Variants in FGGY observed in about 807,000 individuals in gnomAD.
The protein encoded by FGGY is FGGY carbohydrate kinase domain-containing protein.
A neutral mutation model predicts 71.3 loss-of-function variants in FGGY; 72 were observed. The observed-to-expected ratio is 1.01, with a 90% confidence interval of 0.84 to 1.23. The LOEUF is 1.23. FGGY is among the 50% of genes most tolerant of loss of function. The pLI is 0.00. For synonymous variants in FGGY, 251 were observed against 250.3 expected (o/e 1.00, Z -0.02); for missense variants, 668 against 682.3 (o/e 0.98, Z 0.23).
In FGGY at chr1:59,620,474, GA is replaced by G. The variant is rs137900876; in HGVS notation, c.1012-5513del. Among the ~76,000 whole-genome samples, 1,258 of 151,860 alleles carry G rather than the reference GA, an allele frequency of 8.3e-3. 22 individuals are homozygous for G. Among genetic ancestry groups the G allele is most frequent in the African/African-American group, 0.029 (1,198 of 41,436 alleles). ...GTTGGGTCTTGCTTTTCAATTTTAT[GA>G]TCTCTGAATTTTACTTGGGTTGTTT... is the stretch of plus-strand genomic sequence containing the variant. On this transcript the variant is annotated intron_variant, in intron 9 of 15. Transcript: ENST00000303721.
intron 14 of FGGY, among the ~76,000 whole-genome samples, chr1:59,756,506 T>A (rs2098292969): frequency 2.0e-5 from 3 of 152,348 alleles, no homozygotes; most frequent in African/African-American, 2.4e-5. Context: ...TTTATCACAC[T>A]CTATTTTGAT....
chr1:59,322,346 C>T (rs956758546), intron 2 of FGGY, among the ~76,000 whole-genome samples: 10 of 146,856 alleles, frequency 6.8e-5, no homozygotes, highest in Admixed American at 2.8e-4. Flanking sequence ...TGTTTGGTTA[C>T]GTAAGTTCTT....
intron 5 of FGGY, among the ~76,000 whole-genome samples, chr1:59,415,519 A>G (rs555274263): frequency 1.3e-5 from 2 of 152,178 alleles, no homozygotes; most frequent in East Asian, 3.8e-4. Context: ...TGACTTGACT[A>G]TGGACAGACT....
chr1:59,602,793 C>T (rs577857378), intron 8 of FGGY, among the ~76,000 whole-genome samples: 1 of 152,152 alleles, frequency 6.6e-6, no homozygotes, highest in African/African-American at 2.4e-5. Context: ...TTCCTTTGGG[C>T]TCGTACTGCA....
intron 7 of FGGY, among the ~76,000 whole-genome samples, chr1:59,530,542 A>T (rs969607117): frequency 2.5e-4 from 38 of 152,306 alleles, no homozygotes; most frequent in African/African-American, 8.2e-4. Flanking sequence ...CAGGAGTCTA[A>T]CCTCACTTTA....
Position 59,650,608 on chromosome 1 carries a change from A to AT in FGGY, c.1222-9605dup, listed in dbSNP as rs1197634134. Among the ~76,000 whole-genome samples the AT allele has an allele frequency of 7.5e-5, 8 of 106,150 alleles. No homozygotes were observed. In the Admixed American group the frequency reaches 8.4e-4, roughly 11 times the overall value. 69.6% of individuals were successfully genotyped at this position (106,150 alleles called of 152,430 possible). A position where few individuals can be genotyped will look rare whatever the true frequency, so the allele number is the denominator to read the frequency against. On this transcript the variant is annotated intron_variant, in intron 11 of 15. Transcript: ENST00000303721. ...GATTGGTGGTGATATCCCCTTTATC[A>AT]TTTTTTATTGCGTCTATTTGATTCT...
At chr1:59,446,974 G>A (rs564693830) in intron 5 of FGGY, among the ~76,000 whole-genome samples, 4 of 152,278 alleles carry the variant, frequency 2.6e-5, no homozygotes, top group South Asian at 4.1e-4. Flanking sequence ...TTTGATGTGC[G>A]CCTTGCTCTG....
At chr1:59,485,038 C>T (rs567504125) in intron 6 of FGGY, among the ~76,000 whole-genome samples, 1 of 152,128 alleles carries the variant, frequency 6.6e-6, no homozygotes, top group East Asian at 1.9e-4. Flanking sequence ...GTAGAGGAGG[C>T]AGGATTATAG....
At chr1:59,422,037 T>C (rs2065528682) in intron 5 of FGGY, among the ~76,000 whole-genome samples, 1 of 152,304 alleles carries the variant, frequency 6.6e-6, no homozygotes, top group East Asian at 1.9e-4. Flanking sequence ...TCATTGCCTA[T>C]GTAGAAAAAG....
intron 6 of FGGY, among the ~76,000 whole-genome samples, chr1:59,498,052 C>T (rs1382357073): frequency 2.6e-5 from 4 of 152,202 alleles, no homozygotes; most frequent in African/African-American, 9.6e-5. Context: ...TCCTGTACCC[C>T]AACCTGTGCC....
At chr1:59,604,902 A>T (rs1453942370) in intron 8 of FGGY, among the ~76,000 whole-genome samples, 2 of 152,232 alleles carry the variant, frequency 1.3e-5, no homozygotes, top group Non-Finnish European at 2.9e-5. Flanking sequence ...ATCTCAAAGA[A>T]GCTCTGGGAC....
intron 4 of FGGY, among the ~76,000 whole-genome samples, chr1:59,362,679 C>G (rs1433737911): frequency 6.6e-6 from 1 of 152,178 alleles, no homozygotes; most frequent in East Asian, 1.9e-4. Flanking sequence ...CTAAGTAACC[C>G]CCTTACTTAC....
chr1:59,557,669 T>C (rs945064864), intron 8 of FGGY, among the ~76,000 whole-genome samples: 1 of 152,184 alleles, frequency 6.6e-6, no homozygotes, highest in Non-Finnish European at 1.5e-5. Context: ...TCAGAGTTAA[T>C]TACTACCAAG....
At chr1:59,676,668 T>C (rs888311536) in intron 14 of FGGY, among the ~76,000 whole-genome samples, 5 of 152,176 alleles carry the variant, frequency 3.3e-5, no homozygotes, top group African/African-American at 1.2e-4. Flanking sequence ...ATCTAAGATA[T>C]AGTAGATCAG....
At chr1:59,749,265 A>T (rs567035541) in intron 14 of FGGY, among the ~76,000 whole-genome samples, 10 of 152,278 alleles carry the variant, frequency 6.6e-5, no homozygotes, top group African/African-American at 2.4e-4. Flanking sequence ...CTAGCAAATT[A>T]TCAAGCCTTG....
chr1:59,383,561 C>T (rs2059729908), intron 5 of FGGY, among the ~76,000 whole-genome samples: 1 of 152,046 alleles, frequency 6.6e-6, no homozygotes, highest in Admixed American at 6.6e-5. Flanking sequence ...TACAGTCCTC[C>T]CTTTTGGAAT....
intron 11 of FGGY, among the ~76,000 whole-genome samples, chr1:59,648,755 T>G (rs370629289): frequency 0.072 from 10,755 of 150,254 alleles, 975 homozygotes; most frequent in African/African-American, 0.21. Context: ...TTAGTTTAAT[T>G]AGATCCCATT....
chr1:59,298,809 G>A (rs946335009), intron 1 of FGGY, among the ~76,000 whole-genome samples: 3 of 152,050 alleles, frequency 2.0e-5, no homozygotes, highest in Admixed American at 6.6e-5. Flanking sequence ...CTTCTCACCC[G>A]CCCACCTTTT....
intron 4 of FGGY, among the ~76,000 whole-genome samples, chr1:59,349,996 G>T (rs1481211219): frequency 1.3e-5 from 2 of 152,046 alleles, no homozygotes; most frequent in African/African-American, 4.8e-5. Context: ...CCCCTACCCT[G>T]AAAAGCATCC....
Sources: gnomAD v4.1 joint callset for allele counts (sites outside exome capture counted in the v4.1 genomes callset) on GRCh38, gnomAD v4.1.1 for gene constraint, MANE v1.5 for transcripts, NCBI Gene and HGNC (gene_info 2026-07-23, HGNC 2026-07-21) for gene names.